The following TIGAR variants were observed in gnomAD, a reference collection of about 807,000 sequenced individuals.
TIGAR encodes TP53 induced glycolysis regulatory phosphatase.
In TIGAR, 7 loss-of-function variants were observed where a neutral mutation model predicts 17.9. The ratio of observed to expected loss-of-function variants is 0.39; its 90% CI spans 0.22 to 0.73. The LOEUF (loss-of-function observed/expected upper bound fraction) is 0.73, where lower values mean the gene tolerates loss of function less well. Ranked by LOEUF, TIGAR falls within the 30% of genes least tolerant of loss-of-function variation. The probability of loss-of-function intolerance (pLI) is 0.42; values close to 1 mark genes in which losing one functional copy is unlikely to be tolerated. For missense variants in TIGAR, 258 were observed against 327.4 expected (o/e 0.79, Z 1.64); for synonymous variants, 94 against 108.6 (o/e 0.87, Z 0.84).
intron 1 of TIGAR, among the ~76,000 whole-genome samples, chr12:4,324,962 A>G (rs1383120648): frequency 6.9e-6 from 1 of 145,574 alleles, no homozygotes; most frequent in Non-Finnish European, 1.5e-5. Flanking sequence ...TTTTTGACGA[A>G]ACGGAGTTTC....
chr12:4,344,302 G>A (rs1864757012), intron 3 of TIGAR, among the ~76,000 whole-genome samples: 1 of 152,272 alleles, frequency 6.6e-6, no homozygotes, highest in South Asian at 2.1e-4. Flanking sequence ...AGAGGTACAA[G>A]GAGGAGCTGG....
rs1209667903 is a variant in TIGAR, at chr12:4,359,294, C to A, written c.*6603C>A. On this transcript the variant is annotated 3_prime_UTR_variant, in exon 6 of 6. Coordinates refer to ENST00000179259, the MANE Select transcript of TIGAR (RefSeq NM_020375.3). ...TTATTTTATGGTTACACAGTCCCAA[C>A]TTTGTCCTGTGGGAACCCTTTCAGG... 6.6e-6 allele frequency among the ~76,000 whole-genome samples: 1 copy of A among 152,150 alleles called. No homozygotes were observed. The highest frequency in any genetic ancestry group is 1.5e-5 in the Non-Finnish European group (1 of 68,030).
chr12:4,325,003 C>T (rs1864528450), intron 1 of TIGAR, among the ~76,000 whole-genome samples: 1 of 148,234 alleles, frequency 6.7e-6, no homozygotes, highest in African/African-American at 2.5e-5. Flanking sequence ...AGTGCAATGG[C>T]ATGATCTCCG....
At position 4,351,433 on chromosome 12, in the gene TIGAR, T is replaced by C; in HGVS notation, c.381+56T>C. 5 of 1,485,746 alleles carry C rather than the reference T, an allele frequency of 3.4e-6. No individual in the cohort carries two copies. In the South Asian group the frequency reaches 5.8e-5, roughly 17 times the overall value. 92.0% of individuals were successfully genotyped at this position (1,485,746 alleles called of 1,614,324 possible). A position where few individuals can be genotyped will look rare whatever the true frequency, so the allele number is the denominator to read the frequency against. On this transcript the variant is annotated intron_variant, in intron 5 of 5. Transcript: ENST00000179259. ...GAATTAAGACTCAAAATTAGATGTT[T>C]TGGAATTTTAGCTAAGCAGTTTGAA...
At chr12:4,323,285 AAAAG>A (rs1290592188) in intron 1 of TIGAR, among the ~76,000 whole-genome samples, 1 of 152,130 alleles carries the variant, frequency 6.6e-6, no homozygotes, top group Non-Finnish European at 1.5e-5. Flanking sequence ...AAAAAGAAAA[AAAAG>A]AAAACTCAGA....
rs1864888156 is a variant in TIGAR at position 4,355,347 on chromosome 12, A to G, written c.*2656A>G. Among the ~76,000 whole-genome samples the G allele has an allele frequency of 6.6e-6, 1 of 152,014 alleles. No individual in the cohort carries two copies. On this transcript the variant is annotated 3_prime_UTR_variant, in exon 6 of 6. Transcript: ENST00000179259. ...CAGGCCTCACACCCCCTCATTTGCT[A>G]GAGTCTGTGGACTCTTTTAGTTATC...
In TIGAR at chr12:4,356,459, G is replaced by A. The variant is rs1864902892; in HGVS notation, c.*3768G>A. On this transcript the variant is annotated 3_prime_UTR_variant, in exon 6 of 6. Coordinates refer to ENST00000179259, the MANE Select transcript of TIGAR (RefSeq NM_020375.3). ...CTTTAATTTCCCAGCAAAAGTGAGAGGAAGGTAGAGAGATTTCCCATCTAT... is the reference window on the plus strand; with the variant it reads ...CTTTAATTTCCCAGCAAAAGTGAGAAGAAGGTAGAGAGATTTCCCATCTAT... 6.6e-6 allele frequency among the ~76,000 whole-genome samples: 1 copy of A among 152,018 alleles called. No homozygotes were observed. The highest frequency in any genetic ancestry group is 2.1e-4 in the South Asian group (1 of 4,818).
At chr12:4,347,902 G>A (rs1311041676) in intron 3 of TIGAR, among the ~76,000 whole-genome samples, 2 of 152,136 alleles carry the variant, frequency 1.3e-5, no homozygotes, top group African/African-American at 2.4e-5. Flanking sequence ...TTGGGAGGCC[G>A]AAGCGGGAAG....
At chr12:4,334,026 C>T (rs1864632759) in intron 2 of TIGAR, among the ~76,000 whole-genome samples, 1 of 149,808 alleles carries the variant, frequency 6.7e-6, no homozygotes, top group South Asian at 2.1e-4. Context: ...TTAATCTTAC[C>T]TGCTTTTACT....
At chr12:4,344,282 G>A (rs867065514) in intron 3 of TIGAR, among the ~76,000 whole-genome samples, 9 of 152,108 alleles carry the variant, frequency 5.9e-5, no homozygotes, top group African/African-American at 1.4e-4. Flanking sequence ...ATTCACAGCC[G>A]AATTCTTCCA....
chr12:4,347,534 A>ATAACTAAAAGGATATAATTGGATCATTCG (rs1864794326), intron 3 of TIGAR, among the ~76,000 whole-genome samples: 9 of 152,208 alleles, frequency 5.9e-5, no homozygotes, highest in Admixed American at 5.9e-4. Flanking sequence ...ACATTTGAAA[A>ATAACTAAAAGGATATAATTGGATCATTCG]TAACTAAAAG....
At chr12:4,329,662 A>G (rs1864584452) in intron 1 of TIGAR, among the ~76,000 whole-genome samples, 1 of 152,138 alleles carries the variant, frequency 6.6e-6, no homozygotes, top group South Asian at 2.1e-4. Context: ...AATATGAGTG[A>G]ATTCAGTTAT....
chr12:4,342,337 C>G (rs908389056), intron 3 of TIGAR, among the ~76,000 whole-genome samples: 2 of 152,138 alleles, frequency 1.3e-5, no homozygotes, highest in African/African-American at 4.8e-5. Context: ...GGAGAACTTC[C>G]CCAACCTAGC....
At chr12:4,330,090 T>A (rs1290831115) in intron 1 of TIGAR, among the ~76,000 whole-genome samples, 6 of 152,172 alleles carry the variant, frequency 3.9e-5, no homozygotes, top group African/African-American at 1.4e-4. Context: ...TACAGCTGTT[T>A]TTGTAAACAA....
chr12:4,345,326 G>C (rs1012123392), intron 3 of TIGAR, among the ~76,000 whole-genome samples: 1 of 152,168 alleles, frequency 6.6e-6, no homozygotes, highest in Admixed American at 6.5e-5. Flanking sequence ...AAAGAACAAA[G>C]CTGGAGGCAT....
At chr12:4,335,127 T>A (rs1189866655) in intron 2 of TIGAR, among the ~76,000 whole-genome samples, 1 of 152,156 alleles carries the variant, frequency 6.6e-6, no homozygotes, top group Non-Finnish European at 1.5e-5. Flanking sequence ...AACCTCCGCC[T>A]CCTGGGCTCA....
intron 2 of TIGAR, among the ~76,000 whole-genome samples, chr12:4,332,238 CTTTTTTTTTTTT>C (rs777711454): frequency 2.1e-5 from 2 of 95,362 alleles, no homozygotes; most frequent in South Asian, 4.1e-4. Flanking sequence ...TCATGTATTT[CTTTTTTTTTTTT>C]TTTTTTTTTT....
At chr12:4,332,778 C>T (rs757637037) in intron 2 of TIGAR, among the ~76,000 whole-genome samples, 10 of 151,950 alleles carry the variant, frequency 6.6e-5, no homozygotes, top group African/African-American at 1.2e-4. Flanking sequence ...ATGTATAATC[C>T]GTCATTGTTG....
In TIGAR at chr12:4,349,796, GAAAC is replaced by G. The variant is rs1156819530; in HGVS notation, c.193-20_193-17del. ...AATGGTGATTATTTTTATAAAGAAA[GAAAC>G]AATTGTCTTGATTTTCAGACCATGC... On this transcript the variant is annotated intron_variant, in intron 3 of 5. Transcript: ENST00000179259. The G allele has an allele frequency of 1.0e-5, 16 of 1,537,524 alleles. No individual in the cohort carries two copies. The highest frequency in any genetic ancestry group is 1.3e-5 in the Non-Finnish European group (15 of 1,132,064).
Sources: allele counts gnomAD v4.1 joint callset (sites outside exome capture counted in the v4.1 genomes callset), GRCh38; gene constraint gnomAD v4.1.1; transcripts MANE v1.5; gene names NCBI Gene and HGNC (gene_info 2026-07-23, HGNC 2026-07-21).